MED13: variants seen among roughly 807,000 people sequenced by gnomAD.
MED13 encodes the protein mediator of RNA polymerase II transcription subunit 13.
Under a neutral mutation model 225.2 loss-of-function variants are expected in MED13, and 23 were observed. The ratio of observed to expected loss-of-function variants is 0.10; its 90% CI spans 0.07 to 0.14. MED13 has a LOEUF of 0.14. MED13 is among the 10% of genes least tolerant of loss of function. The pLI, the probability that MED13 is intolerant of heterozygous loss-of-function variation, is 1.00. For synonymous variants in MED13, 942 were observed against 889.2 expected (o/e 1.06, Z -1.06); for missense variants, 2,197 against 2,594.5 (o/e 0.85, Z 3.33).
chr17:61,952,645 T>C (rs2079906445), intron 27 of MED13, among the ~76,000 whole-genome samples: 1 of 152,142 alleles, frequency 6.6e-6, no homozygotes, highest in South Asian at 2.1e-4. Context: ...CAAGGAAAAA[T>C]AGTATTGCAT....
intron 2 of MED13, among the ~76,000 whole-genome samples, chr17:62,060,462 T>C (rs1186148098): frequency 1.3e-5 from 2 of 151,560 alleles, no homozygotes; most frequent in East Asian, 2.0e-4. Context: ...CTATTAAAAA[T>C]ACAAAAAATT....
At chr17:61,972,624 C>A in intron 17 of MED13, 103 bp downstream of exon 17, 1 of 1,112,664 alleles carries the variant, frequency 9.0e-7, no homozygotes, top group Non-Finnish European at 1.3e-6. Context: ...AAGAATATAT[C>A]ACAAATATAT....
chr17:62,019,291 T>C (rs2080614071), intron 8 of MED13, among the ~76,000 whole-genome samples: 1 of 152,222 alleles, frequency 6.6e-6, no homozygotes, highest in Non-Finnish European at 1.5e-5. Context: ...TTGGCTACTG[T>C]TTTGGAAAAT....
rs775034964 is a variant in MED13 at position 61,987,123 on chromosome 17, G to C, written c.2269C>G (p.Pro757Ala). 3.8e-6 allele frequency: 6 copies of C among 1,594,134 alleles called. No homozygotes were observed. Among genetic ancestry groups the C allele is most frequent in the Non-Finnish European group, 4.3e-6 (5 of 1,172,534 alleles). ...GGACGGGCATGACTAGTAGGGCGTGGAGCATCTACAAAAGTCAATCAGAAA... is the reference window on the plus strand; with the variant it reads ...GGACGGGCATGACTAGTAGGGCGTGCAGCATCTACAAAAGTCAATCAGAAA... The part of the protein sequence containing the change: ...LFSPSIKQDA[P>A]RPTSHARPPS... The change falls in exon 12 of 30, where the codon CCA (proline) becomes GCA (alanine). Residue 757 changes from proline (P) to alanine (A), a missense_variant. Physicochemically the swap from Pro to Ala is conservative, Grantham distance 27. This residue lies in a region of MED13 where 884 missense variants were observed against 918.5 expected (regional missense o/e 0.96). Transcript: ENST00000397786.
At chr17:62,058,453 G>A (rs556134562) in intron 2 of MED13, among the ~76,000 whole-genome samples, 33 of 150,794 alleles carry the variant, frequency 2.2e-4, no homozygotes, top group African/African-American at 7.8e-4. Flanking sequence ...CCTGGGAGGC[G>A]GAGGTCGCAG....
intron 28 of MED13, among the ~76,000 whole-genome samples, chr17:61,947,635 A>C (rs1450039312): frequency 4.6e-5 from 7 of 152,182 alleles, no homozygotes; most frequent in Non-Finnish European, 8.8e-5. Context: ...AATAAACCTT[A>C]AACAAGCTAT....
chr17:62,000,093 A>G (rs1005411915), intron 9 of MED13, among the ~76,000 whole-genome samples: 7 of 152,158 alleles, frequency 4.6e-5, no homozygotes, highest in African/African-American at 1.7e-4. Flanking sequence ...ATAAAAATCA[A>G]GAGTATTAAT....
intron 11 of MED13, 106 bp downstream of exon 11, chr17:61,992,434 C>A: frequency 3.2e-6 from 2 of 630,382 alleles, no homozygotes; most frequent in Admixed American, 3.0e-5. Context: ...TTCTATGAAA[C>A]ATAATGAATT....
At chr17:62,021,690 T>C (rs570575383) in intron 8 of MED13, among the ~76,000 whole-genome samples, 6 of 152,360 alleles carry the variant, frequency 3.9e-5, no homozygotes, top group South Asian at 2.1e-4. Flanking sequence ...AGGATAGTTC[T>C]CAGATCAGTG....
At chr17:62,046,532 A>G (rs1367449922) in intron 3 of MED13, among the ~76,000 whole-genome samples, 1 of 152,238 alleles carries the variant, frequency 6.6e-6, no homozygotes, top group Non-Finnish European at 1.5e-5. Flanking sequence ...GATTCATGAA[A>G]ATATCCAATT....
At chr17:62,061,254 C>T (rs1266389716) in intron 2 of MED13, among the ~76,000 whole-genome samples, 1 of 151,944 alleles carries the variant, frequency 6.6e-6, no homozygotes, top group Non-Finnish European at 1.5e-5. Context: ...TGCAGGGGCT[C>T]ACACTTGTAA....
chr17:61,985,210 G>T, intron 12 of MED13, 120 bp from the exon 13 acceptor site: 1 of 740,608 alleles, frequency 1.4e-6, no homozygotes, highest in Non-Finnish European at 2.2e-6. Context: ...TTTTGAATCT[G>T]TGATACAGCC....
intron 8 of MED13, among the ~76,000 whole-genome samples, chr17:62,022,354 CT>C (rs970526805): frequency 1.2e-4 from 18 of 150,492 alleles, no homozygotes; most frequent in South Asian, 2.1e-4. Flanking sequence ...AGCAGTATTA[CT>C]TTTTTTTTAA....
Position 61,975,139 on chromosome 17 carries a change from T to TAAAAA in MED13, c.3806-2256_3806-2252dup, listed in dbSNP as rs200864641. On this transcript the variant is annotated intron_variant, in intron 16 of 29. Coordinates refer to ENST00000397786, the MANE Select transcript of MED13 (RefSeq NM_005121.3). The stretch of plus-strand genomic sequence containing the variant: ...GGCAAAGTAGCAAGACCCCGTATCT[T>TAAAAA]AAAAAAAAAAAAAATGAAAAGACAA... 2.9e-5 allele frequency among the ~76,000 whole-genome samples: 4 copies of TAAAAA among 138,898 alleles called. No individual in the cohort carries two copies. The South Asian group carries it at 9.1e-4, about 32-fold the overall frequency. The allele number at this position is 138,898 out of a possible 152,430, so 91.1% of individuals were successfully genotyped here.
At position 62,033,203 on chromosome 17, in the gene MED13, G is replaced by A. The variant is rs2080772973; in HGVS notation, c.814+584C>T. On this transcript the variant is annotated intron_variant, in intron 5 of 29. Coordinates refer to ENST00000397786, the MANE Select transcript of MED13 (RefSeq NM_005121.3). ...ATAATAAAAAAATATAAAAAAATCT[G>A]ACCCTTTTGGCAGGCAGAGCATGCC... Among the ~76,000 whole-genome samples the A allele has an allele frequency of 2.0e-5, 3 of 151,892 alleles. No homozygotes were observed. In the South Asian group the frequency reaches 6.2e-4, roughly 32 times the overall value.
chr17:61,974,091 A>G (rs757061299), intron 16 of MED13, among the ~76,000 whole-genome samples: 1 of 152,178 alleles, frequency 6.6e-6, no homozygotes, highest in Non-Finnish European at 1.5e-5. Flanking sequence ...TTGTATACAT[A>G]GTAGAATACT....
chr17:62,018,347 A>G (rs2080603131), intron 8 of MED13, among the ~76,000 whole-genome samples: 1 of 152,240 alleles, frequency 6.6e-6, no homozygotes, highest in Non-Finnish European at 1.5e-5. Context: ...TTGTAAAAAC[A>G]ATACGGTATA....
intron 26 of MED13, among the ~76,000 whole-genome samples, chr17:61,953,942 C>T (rs1390685097): frequency 3.3e-5 from 5 of 152,246 alleles, no homozygotes; most frequent in South Asian, 2.1e-4. Context: ...TACGTACACA[C>T]CTATGATGGA....
chr17:61,975,396 C>G (rs2080145757), intron 16 of MED13, among the ~76,000 whole-genome samples: 1 of 152,116 alleles, frequency 6.6e-6, no homozygotes. Flanking sequence ...GATGAAACCA[C>G]AATGAGATAC....
Sources: allele counts gnomAD v4.1 joint callset (sites outside exome capture counted in the v4.1 genomes callset), GRCh38; gene constraint gnomAD v4.1.1; regional missense constraint gnomAD v4.1.1; transcripts MANE v1.5; gene names NCBI Gene and HGNC (gene_info 2026-07-23, HGNC 2026-07-21).